The following HEATR5A variants were observed in gnomAD, a reference collection of about 807,000 sequenced individuals.
The protein encoded by HEATR5A is HEAT repeat-containing protein 5A.
A neutral mutation model predicts 218.8 loss-of-function variants in HEATR5A; 178 were observed. The ratio of observed to expected loss-of-function variants is 0.81; its 90% CI spans 0.72 to 0.92. HEATR5A has a LOEUF of 0.92. HEATR5A is among the 40% of genes least tolerant of loss of function. The pLI is 0.00. For missense variants in HEATR5A, 2,420 were observed against 2,418.9 expected (o/e 1.00, Z -0.01); for synonymous variants, 864 against 871.6 (o/e 0.99, Z 0.15).
In HEATR5A at chr14:31,350,664, C is replaced by T. The variant is rs61754154; in HGVS notation, c.2465G>A (p.Arg822His). The change falls in exon 17 of 36, where the codon CGT (arginine) becomes CAT (histidine). Residue 822 changes from arginine (R) to histidine (H), a missense_variant. Physicochemically the swap from Arg to His is conservative, Grantham distance 29 (BLOSUM62 0). Coordinates refer to ENST00000543095, the MANE Select transcript of HEATR5A (RefSeq NM_015473.4). ...LDSIKHTKGARQQVVQLHVVS... is the reference protein window; with the variant it reads ...LDSIKHTKGAHQQVVQLHVVS... ...AACATGTAACTGAACCACTTGCTGA[C>T]GAGCTCCTTTTGTGTGCTTTATACT... is the stretch of plus-strand genomic sequence containing the variant. 2,806 of 1,602,940 alleles carry T rather than the reference C, an allele frequency of 1.8e-3. 30 individuals carry two copies. In the African/African-American group the frequency reaches 0.033, roughly 19 times the overall value.
chr14:31,406,065 C>T (rs1295239544), intron 1 of HEATR5A, among the ~76,000 whole-genome samples: 1 of 152,160 alleles, frequency 6.6e-6, no homozygotes, highest in Admixed American at 6.5e-5. Flanking sequence ...ATGTGATAAG[C>T]AAGGGCATTT....
chr14:31,398,047 A>C (rs1480907326), intron 4 of HEATR5A, among the ~76,000 whole-genome samples: 1 of 152,196 alleles, frequency 6.6e-6, no homozygotes, highest in Non-Finnish European at 1.5e-5. Flanking sequence ...TCATTTCAAA[A>C]CCAGTAAAAC....
chr14:31,346,401 A>C (rs60154988), intron 19 of HEATR5A, among the ~76,000 whole-genome samples: 3,048 of 152,300 alleles, frequency 0.02, 91 homozygotes, highest in African/African-American at 0.07. Context: ...GAAGTGGAGG[A>C]GGCGAGTAGT....
Position 31,323,822 on chromosome 14 carries a change from C to T in HEATR5A, c.3548-18G>A, listed in dbSNP as rs202119600. Reference sequence around the variant, plus strand: ...TGTAAAATCTTTTATTAAAGGAGAACATATGTAATTATAATCAACTGAAAG... The same window carrying T: ...TGTAAAATCTTTTATTAAAGGAGAATATATGTAATTATAATCAACTGAAAG... On this transcript the variant is annotated intron_variant, in intron 23 of 35. Coordinates refer to ENST00000543095, the MANE Select transcript of HEATR5A (RefSeq NM_015473.4). 1.5e-3 allele frequency: 2,260 copies of T among 1,497,718 alleles called. 6 individuals are homozygous for T. The highest frequency in any genetic ancestry group is 1.9e-3 in the Non-Finnish European group (2,111 of 1,086,442). The allele number at this position is 1,497,718 out of a possible 1,614,324, so 92.8% of individuals were successfully genotyped here.
intron 1 of HEATR5A, among the ~76,000 whole-genome samples, chr14:31,407,559 T>C (rs1488780199): frequency 6.6e-6 from 1 of 151,250 alleles, no homozygotes. Flanking sequence ...CATTAACATG[T>C]ACCTGTTATC....
chr14:31,313,696 C>G (rs1899828943), intron 27 of HEATR5A, among the ~76,000 whole-genome samples: 1 of 152,108 alleles, frequency 6.6e-6, no homozygotes, highest in Non-Finnish European at 1.5e-5. Context: ...CCAAAAAGCT[C>G]TGAAAAAACC....
At chr14:31,336,823 G>A (rs1312980910) in intron 22 of HEATR5A, among the ~76,000 whole-genome samples, 6 of 152,150 alleles carry the variant, frequency 3.9e-5, no homozygotes, top group South Asian at 2.1e-4. Context: ...CATGCATGGC[G>A]TAATAGGATT....
At chr14:31,407,583 T>TA in intron 1 of HEATR5A, among the ~76,000 whole-genome samples, 3 of 408 alleles carry the variant, frequency 7.4e-3, no homozygotes, top group African/African-American at 0.02. Flanking sequence ...ACTTATTTTA[T>TA]TTATATATAT....
intron 7 of HEATR5A, among the ~76,000 whole-genome samples, chr14:31,388,046 A>T (rs2030304317): frequency 6.6e-6 from 1 of 152,220 alleles, no homozygotes; most frequent in Non-Finnish European, 1.5e-5. Context: ...ACATACAAAC[A>T]CATTATAAGA....
intron 21 of HEATR5A, 64 bp downstream of exon 21, chr14:31,343,832 T>C: frequency 7.7e-7 from 1 of 1,292,058 alleles, no homozygotes; most frequent in Non-Finnish European, 1.1e-6. Flanking sequence ...TTAAAATGTG[T>C]ACTGGAATAA....
At chr14:31,396,048 T>C (rs945728639) in intron 4 of HEATR5A, among the ~76,000 whole-genome samples, 1 of 152,170 alleles carries the variant, frequency 6.6e-6, no homozygotes, top group South Asian at 2.1e-4. Flanking sequence ...TGGCACACAG[T>C]TAAAAGTCAA....
intron 12 of HEATR5A, 52 bp from the exon 13 acceptor site, chr14:31,371,961 G>T: frequency 2.6e-6 from 2 of 757,628 alleles, no homozygotes; most frequent in Non-Finnish European, 4.3e-6. Context: ...AACCATGAAA[G>T]GCACATTTGA....
intron 21 of HEATR5A, chr14:31,340,615 A>C (rs1900810047): frequency 2.4e-6 from 1 of 418,866 alleles, no homozygotes; most frequent in African/African-American, 2.1e-5. Context: ...CAGCTTAAAA[A>C]TTTGCCACAA....
chr14:31,323,751 C>CT lies in HEATR5A; in HGVS notation c.3600dup (p.Gly1201ArgfsTer3). The CT allele has an allele frequency of 6.2e-7, 1 of 1,608,614 alleles. No homozygotes were observed. The highest frequency in any genetic ancestry group is 8.5e-7 in the Non-Finnish European group (1 of 1,175,208). ...GTGGTCAGGACTGAGGCATCATCCC[C>CT]TTTATCTCCTTCTTCTTCTTGCATT... On this transcript the variant is annotated frameshift_variant, in exon 24 of 36. Transcript: ENST00000543095. LOFTEE classifies it high-confidence loss of function.
At chr14:31,384,528 CTT>C (rs202158979) in intron 9 of HEATR5A, among the ~76,000 whole-genome samples, 34 of 136,758 alleles carry the variant, frequency 2.5e-4, no homozygotes, top group Admixed American at 5.2e-4. Context: ...AATTCATATA[CTT>C]TTTTTTTTTT....
chr14:31,338,449 T>C (rs1900737201), intron 21 of HEATR5A, among the ~76,000 whole-genome samples: 4 of 152,156 alleles, frequency 2.6e-5, no homozygotes, highest in Admixed American at 1.3e-4. Flanking sequence ...TATGTATACA[T>C]CTTACAGATG....
chr14:31,309,949 C>A (rs1899684022), intron 28 of HEATR5A, among the ~76,000 whole-genome samples: 1 of 152,040 alleles, frequency 6.6e-6, no homozygotes, highest in African/African-American at 2.4e-5. Flanking sequence ...GCAATCTGCC[C>A]ACTTCAGCCT....
chr14:31,385,815 C>T (rs949126540), intron 9 of HEATR5A, among the ~76,000 whole-genome samples: 7 of 152,146 alleles, frequency 4.6e-5, no homozygotes, highest in African/African-American at 1.4e-4. Flanking sequence ...TCAACTTCCA[C>T]GTCTGGGGCT....
chr14:31,398,649 T>C, intron 4 of HEATR5A, 24 bp downstream of exon 4: 2 of 1,263,182 alleles, frequency 1.6e-6, no homozygotes, highest in South Asian at 2.6e-5. Flanking sequence ...TTTTCATTCT[T>C]TGGCTGAACT....
Sources: allele counts gnomAD v4.1 joint callset (sites outside exome capture counted in the v4.1 genomes callset), GRCh38; gene constraint gnomAD v4.1.1; transcripts MANE v1.5; gene names NCBI Gene and HGNC (gene_info 2026-07-23, HGNC 2026-07-21).